Variants in MIER2 observed in about 807,000 individuals in gnomAD.
MIER2 encodes mesoderm induction early response protein 2.
MIER2 carries 30 observed loss-of-function variants against 67.6 expected under a neutral mutation model. The ratio of observed to expected loss-of-function variants is 0.44; its 90% CI spans 0.33 to 0.60. MIER2 has a LOEUF of 0.60. Ranked by LOEUF, MIER2 falls within the 20% of genes least tolerant of loss-of-function variation. The probability of loss-of-function intolerance (pLI) is 0.02; values close to 1 mark genes in which losing one functional copy is unlikely to be tolerated. For synonymous variants in MIER2, 372 were observed against 312.6 expected (o/e 1.19, Z -2.00); for missense variants, 702 against 745.1 (o/e 0.94, Z 0.67).
At position 306,636 on chromosome 19, in the gene MIER2, C is replaced by G; in HGVS notation, c.*54G>C. ...GTCAGGAAGACTGACAGAGGCGGGC[C>G]CAGCGGCAGCGCTAAGTCCAGTCTG... On this transcript the variant is annotated 3_prime_UTR_variant, in exon 14 of 14. Coordinates refer to ENST00000264819, the MANE Select transcript of MIER2 (RefSeq NM_017550.3). 1 of 1,549,398 alleles carries G rather than the reference C, an allele frequency of 6.5e-7. No homozygotes were observed. The highest frequency in any genetic ancestry group is 2.4e-5 in the East Asian group (1 of 40,876).
In MIER2 at chr19:336,055, T is replaced by C. The variant is rs779029225; in HGVS notation, c.100+28A>G. 12 of 1,606,052 alleles carry C rather than the reference T, an allele frequency of 7.5e-6. No individual in the cohort carries two copies. In the Admixed American group the frequency reaches 2.0e-4, roughly 27 times the overall value. On this transcript the variant is annotated intron_variant, in intron 2 of 13. Coordinates refer to ENST00000264819, the MANE Select transcript of MIER2 (RefSeq NM_017550.3). ...ACAGCCACAAAGGCCTTGGCGGACC[T>C]GAGCAGGGGAAGGAGGGAGGAAGGT...
chr19:330,171 A>C (rs1197597059), intron 3 of MIER2: 1 of 152,204 alleles, frequency 6.6e-6, no homozygotes, highest in Non-Finnish European at 1.5e-5. Context: ...GAAACAGCTG[A>C]CCATAACTGC....
At chr19:344,329 C>A (rs1475912624) in intron 1 of MIER2, 45 of 984,782 alleles carry the variant, frequency 4.6e-5, no homozygotes, top group Non-Finnish European at 5.2e-5. Context: ...ATGGGGAGCG[C>A]GGGGCGCCTG....
At chr19:338,425 T>C (rs900740249) in intron 1 of MIER2, among the ~76,000 whole-genome samples, 1 of 151,974 alleles carries the variant, frequency 6.6e-6, no homozygotes, top group Non-Finnish European at 1.5e-5. Context: ...AACAAAGCAG[T>C]GTTGAAAGGA....
chr19:315,657 C>T (rs894529745), intron 7 of MIER2, among the ~76,000 whole-genome samples: 3 of 152,152 alleles, frequency 2.0e-5, no homozygotes, highest in African/African-American at 7.2e-5. Flanking sequence ...CCAATGTTTA[C>T]AAGACCAAAA....
intron 3 of MIER2, among the ~76,000 whole-genome samples, chr19:329,638 C>T (rs770742235): frequency 6.6e-6 from 1 of 152,120 alleles, no homozygotes; most frequent in Non-Finnish European, 1.5e-5. Context: ...CCTGTAATCC[C>T]AGCACTTTGG....
Position 334,476 on chromosome 19 carries a change from A to G in MIER2, c.167T>C (p.Val56Ala). 6.2e-7 allele frequency: 1 copy of G among 1,614,094 alleles called. No individual in the cohort carries two copies. The highest frequency in any genetic ancestry group is 1.1e-5 in the South Asian group (1 of 91,076). The change falls in exon 3 of 14, where the codon GTT becomes GCT. Residue 56 changes from valine to alanine, a missense_variant. Transcript: ENST00000264819. ...CGAGGCCTCCTCGCACTCCCCCCTAACACTGTAGTTCTGTGACAGGATCTC... is the reference window on the plus strand; with the variant it reads ...CGAGGCCTCCTCGCACTCCCCCCTAGCACTGTAGTTCTGTGACAGGATCTC... ...LAEILSQNYS[V>A]RGECEEASRC...
At chr19:315,046 G>C (rs1041774392) in intron 7 of MIER2, among the ~76,000 whole-genome samples, 6 of 149,400 alleles carry the variant, frequency 4.0e-5, no homozygotes, top group African/African-American at 1.5e-4. Flanking sequence ...CTGGGAAACA[G>C]AGCAAGACCC....
rs553790732 is a variant in MIER2, at chr19:338,764, A to C, written c.10-2591T>G. Reference sequence around the variant, plus strand: ...GAAATACAGTCACACATTCATAGTCAACTGGATTTCCACAAAGGTATCAAA... The same window carrying C: ...GAAATACAGTCACACATTCATAGTCCACTGGATTTCCACAAAGGTATCAAA... On this transcript the variant is annotated intron_variant, in intron 1 of 13. Coordinates refer to ENST00000264819, the MANE Select transcript of MIER2 (RefSeq NM_017550.3). 2.6e-5 allele frequency among the ~76,000 whole-genome samples: 4 copies of C among 152,354 alleles called. No homozygotes were observed. In the East Asian group the frequency reaches 5.8e-4, roughly 22 times the overall value.
intron 7 of MIER2, among the ~76,000 whole-genome samples, chr19:324,954 GACGACTTCTCTTC>G (rs932318444): frequency 6.6e-6 from 1 of 152,250 alleles, no homozygotes; most frequent in Admixed American, 6.5e-5. Context: ...GCCCCAGGAG[GACGACTTCTCTTC>G]ACGGAGGGTC....
intron 7 of MIER2, among the ~76,000 whole-genome samples, chr19:314,987 C>T (rs1971173327): frequency 6.6e-6 from 1 of 152,050 alleles, no homozygotes; most frequent in Admixed American, 6.6e-5. Context: ...GGACTGAGCC[C>T]AGGAGGTCGA....
intron 1 of MIER2, among the ~76,000 whole-genome samples, chr19:338,202 T>C (rs1302729697): frequency 1.4e-5 from 2 of 139,284 alleles, no homozygotes; most frequent in South Asian, 2.3e-4. Flanking sequence ...AAAAAAAGAT[T>C]GGTAAGGAAG....
At chr19:306,989 G>T in intron 13 of MIER2, 130 bp downstream of exon 13, 1 of 1,125,638 alleles carries the variant, frequency 8.9e-7, no homozygotes, top group Non-Finnish European at 1.2e-6. Context: ...CACACTGAGA[G>T]CCTGCTCGTG....
intron 1 of MIER2, chr19:340,376 G>C (rs1972450402): frequency 6.6e-6 from 1 of 152,214 alleles, no homozygotes; most frequent in East Asian, 1.9e-4. Flanking sequence ...CCTCCTGCTG[G>C]TCGGGAGCAC....
intron 2 of MIER2, among the ~76,000 whole-genome samples, chr19:335,123 G>C (rs528494591): frequency 3.9e-5 from 6 of 152,374 alleles, no homozygotes; most frequent in South Asian, 4.1e-4. Flanking sequence ...AAAGAACTGG[G>C]ATGTGTCACC....
At position 306,353 on chromosome 19, in the gene MIER2, G is replaced by C. The variant is rs899640024; in HGVS notation, c.*337C>G. 1 of 416,832 alleles carries C rather than the reference G, an allele frequency of 2.4e-6. No homozygotes were observed. Among genetic ancestry groups the C allele is most frequent in the African/African-American group, 2.1e-5 (1 of 48,114 alleles). The allele number at this position is 416,832 out of a possible 1,614,324, so 25.8% of individuals were successfully genotyped here. A position where few individuals can be genotyped will look rare whatever the true frequency, so the allele number is the denominator to read the frequency against. On this transcript the variant is annotated 3_prime_UTR_variant, in exon 14 of 14. Coordinates refer to ENST00000264819, the MANE Select transcript of MIER2 (RefSeq NM_017550.3). Reference sequence around the variant, plus strand: ...CGCCTTCCCTCGCCTCTGCTGGCTGGAAGGGACTAGGTGGCCGGCTCTGCC... The same window carrying C: ...CGCCTTCCCTCGCCTCTGCTGGCTGCAAGGGACTAGGTGGCCGGCTCTGCC...
chr19:307,091 G>A (rs1371057382), intron 13 of MIER2, 28 bp downstream of exon 13: 1 of 1,555,876 alleles, frequency 6.4e-7, no homozygotes, highest in Non-Finnish European at 8.7e-7. Context: ...GAGTGTTGCG[G>A]AGGCTCCGGG....
chr19:318,914 G>A (rs141796926), intron 7 of MIER2, among the ~76,000 whole-genome samples: 6,275 of 151,926 alleles, frequency 0.041, 441 homozygotes, highest in African/African-American at 0.14. Context: ...AAAACTAGCC[G>A]GGCGTGGTGG....
At chr19:321,761 C>T (rs1204128283) in intron 7 of MIER2, among the ~76,000 whole-genome samples, 3 of 152,098 alleles carry the variant, frequency 2.0e-5, no homozygotes, top group African/African-American at 7.2e-5. Flanking sequence ...CTCAGACTTC[C>T]TTGTAACCTG....
Sources: allele counts gnomAD v4.1 joint callset (sites outside exome capture counted in the v4.1 genomes callset), GRCh38; gene constraint gnomAD v4.1.1; transcripts MANE v1.5; gene names NCBI Gene and HGNC (gene_info 2026-07-23, HGNC 2026-07-21).